The following MED13L variants were observed in gnomAD, a reference collection of about 807,000 sequenced individuals.
MED13L encodes the protein mediator complex subunit 13L, also known as mediator of RNA polymerase II transcription subunit 13-like.
Under a neutral mutation model 220.9 loss-of-function variants are expected in MED13L, and 7 were observed. That is an observed-to-expected ratio of 0.03 (90% CI 0.02 to 0.06). MED13L has a LOEUF of 0.06. Among genes scored for constraint, MED13L ranks in the 10% least tolerant of loss-of-function variants. MED13L has a pLI of 1.00. For missense variants in MED13L, 1,965 were observed against 2,760.5 expected (o/e 0.71, Z 6.46); for synonymous variants, 1,011 against 1,015.2 (o/e 1.00, Z 0.08).
intron 2 of MED13L, among the ~76,000 whole-genome samples, chr12:116,201,841 T>C (rs916231652): frequency 5.3e-5 from 8 of 152,064 alleles, no homozygotes; most frequent in Admixed American, 1.3e-4. Flanking sequence ...AGCAATATAA[T>C]ACAGTAAGAA....
In MED13L at chr12:115,958,727, C is replaced by T. The variant is rs1300766606; in HGVS notation, c.*2539G>A. 1 of 152,432 alleles carries T rather than the reference C, an allele frequency of 6.6e-6. No homozygotes were observed. The highest frequency in any genetic ancestry group is 1.5e-5 in the Non-Finnish European group (1 of 68,020). The allele number at this position is 152,432 out of a possible 1,614,324, so 9.4% of individuals were successfully genotyped here. A position where few individuals can be genotyped will look rare whatever the true frequency, so the allele number is the denominator to read the frequency against. On this transcript the variant is annotated 3_prime_UTR_variant, in exon 31 of 31. Transcript: ENST00000281928. ...TTTAGTGTACTGTACCAGCGCTATA[C>T]TGTAGTTATTTTTTTAAATGAACTT...
chr12:116,013,238 C>T (rs139251312), intron 8 of MED13L, among the ~76,000 whole-genome samples: 8 of 152,198 alleles, frequency 5.3e-5, no homozygotes, highest in East Asian at 1.9e-4. Flanking sequence ...GGCATGGTGG[C>T]GCTTGCCTGT....
intron 1 of MED13L, among the ~76,000 whole-genome samples, chr12:116,272,192 T>G (rs571506086): frequency 6.6e-6 from 1 of 152,168 alleles, no homozygotes; most frequent in African/African-American, 2.4e-5. Flanking sequence ...TAGAACAAAA[T>G]TAACTTAGTT....
At chr12:116,017,637 A>G (rs144813840) in intron 7 of MED13L, among the ~76,000 whole-genome samples, 88 of 152,224 alleles carry the variant, frequency 5.8e-4, no homozygotes, top group African/African-American at 2.0e-3. Flanking sequence ...TTTTTTTGAG[A>G]TATGGTCTAG....
In MED13L at chr12:116,019,555, A is replaced by G. The variant is rs1309017444; in HGVS notation, c.821-143T>C. ...AGGCTCCATTCTTTCATAAGTTAAT[A>G]GCTGTTTAAACATGTGTTCCAACAT... On this transcript the variant is annotated intron_variant, in intron 6 of 30. Coordinates refer to ENST00000281928, the MANE Select transcript of MED13L (RefSeq NM_015335.5). 2.6e-6 allele frequency: 3 copies of G among 1,135,808 alleles called. No individual in the cohort carries two copies. The East Asian group carries it at 7.6e-5, about 29-fold the overall frequency. The allele number at this position is 1,135,808 out of a possible 1,614,324, so 70.4% of individuals were successfully genotyped here.
At chr12:116,122,314 T>C (rs1420446995) in intron 2 of MED13L, among the ~76,000 whole-genome samples, 3 of 152,198 alleles carry the variant, frequency 2.0e-5, no homozygotes, top group Admixed American at 6.5e-5. Flanking sequence ...TTATGAAATA[T>C]AGCACTTCAC....
chr12:116,258,149 A>G (rs1465562239), intron 1 of MED13L, among the ~76,000 whole-genome samples: 2 of 152,240 alleles, frequency 1.3e-5, no homozygotes, highest in Non-Finnish European at 2.9e-5. Context: ...TGAAGTCCTA[A>G]AAGAATTTAG....
intron 1 of MED13L, among the ~76,000 whole-genome samples, chr12:116,259,667 A>T (rs1872352295): frequency 6.6e-6 from 1 of 152,164 alleles, no homozygotes; most frequent in African/African-American, 2.4e-5. Flanking sequence ...TGTGTGATTT[A>T]CACATGCTCT....
chr12:116,015,454 A>AT (rs748613416), intron 7 of MED13L, among the ~76,000 whole-genome samples, 180 bp from the exon 8 acceptor site: 3 of 152,076 alleles, frequency 2.0e-5, no homozygotes, highest in Non-Finnish European at 4.4e-5. Flanking sequence ...ATCAGAATGG[A>AT]TTTTTTTCCC....
At chr12:116,208,571 C>T (rs373592032) in intron 2 of MED13L, among the ~76,000 whole-genome samples, 3 of 152,244 alleles carry the variant, frequency 2.0e-5, no homozygotes. Context: ...TCTTCAAATG[C>T]TATTTAAATC....
At chr12:116,265,864 C>T (rs1262636147) in intron 1 of MED13L, among the ~76,000 whole-genome samples, 2 of 152,286 alleles carry the variant, frequency 1.3e-5, no homozygotes, top group Non-Finnish European at 2.9e-5. Context: ...CCAAAGAATG[C>T]CCTTCCCCTT....
chr12:116,154,275 G>T (rs955019429), intron 2 of MED13L, among the ~76,000 whole-genome samples: 6 of 152,140 alleles, frequency 3.9e-5, no homozygotes, highest in African/African-American at 1.4e-4. Context: ...GACTCCAAAA[G>T]CCCGTCCTAT....
At chr12:116,072,422 C>T (rs1443934547) in intron 4 of MED13L, among the ~76,000 whole-genome samples, 1 of 152,126 alleles carries the variant, frequency 6.6e-6, no homozygotes, top group African/African-American at 2.4e-5. Context: ...CTTTAGTAAA[C>T]ACATGAAACA....
At chr12:116,080,476 C>A (rs1565867064) in intron 4 of MED13L, among the ~76,000 whole-genome samples, 1 of 152,094 alleles carries the variant, frequency 6.6e-6, no homozygotes, top group African/African-American at 2.4e-5. Flanking sequence ...GTTCCCAAAC[C>A]ATGTACCAAA....
rs948730205 is a variant in MED13L at position 116,237,376 on chromosome 12, T to A, written c.310+92A>T. Reference sequence around the variant, plus strand: ...ATCCATGAAACACTTAAGATCGTTCTTTTAGACAAGTCTTAATAATCTGTT... The same window carrying A: ...ATCCATGAAACACTTAAGATCGTTCATTTAGACAAGTCTTAATAATCTGTT... On this transcript the variant is annotated intron_variant, in intron 2 of 30. Transcript: ENST00000281928. The A allele has an allele frequency of 3.8e-6, 4 of 1,051,640 alleles. 1 individual carries two copies. The South Asian group carries it at 5.3e-5, about 14-fold the overall frequency. The allele number at this position is 1,051,640 out of a possible 1,614,324, so 65.1% of individuals were successfully genotyped here.
At chr12:116,122,976 A>AG (rs1241189346) in intron 2 of MED13L, among the ~76,000 whole-genome samples, 1 of 152,226 alleles carries the variant, frequency 6.6e-6, no homozygotes, top group East Asian at 1.9e-4. Flanking sequence ...ACACTGAAAA[A>AG]GAAATCTTGC....
intron 2 of MED13L, among the ~76,000 whole-genome samples, chr12:116,203,431 T>C (rs780630253): frequency 2.6e-4 from 39 of 150,592 alleles, no homozygotes; most frequent in Non-Finnish European, 5.6e-4. Flanking sequence ...TTTTTTGAAA[T>C]AAACATAAAA....
chr12:116,130,420 T>C (rs750930765), intron 2 of MED13L, among the ~76,000 whole-genome samples: 6 of 152,046 alleles, frequency 3.9e-5, no homozygotes, highest in Non-Finnish European at 7.4e-5. Flanking sequence ...TCAAGAAAAA[T>C]AAGCATCTCT....
chr12:116,178,258 T>C (rs1880227248), intron 2 of MED13L, among the ~76,000 whole-genome samples: 1 of 152,208 alleles, frequency 6.6e-6, no homozygotes, highest in Admixed American at 6.5e-5. Flanking sequence ...ATGAGAGTAC[T>C]CTCTGATACT....
Sources: gnomAD v4.1 joint callset for allele counts (sites outside exome capture counted in the v4.1 genomes callset) on GRCh38, gnomAD v4.1.1 for gene constraint, MANE v1.5 for transcripts, NCBI Gene and HGNC (gene_info 2026-07-23, HGNC 2026-07-21) for gene names.